NUMB: variants seen among roughly 807,000 people sequenced by gnomAD.
NUMB encodes the protein NUMB endocytic adaptor protein.
NUMB carries 29 observed loss-of-function variants against 59.7 expected under a neutral mutation model. The observed-to-expected ratio is 0.49, with a 90% CI of 0.36 to 0.66. NUMB has a LOEUF of 0.66. Ranked by LOEUF, NUMB falls within the 30% of genes least tolerant of loss-of-function variation. NUMB has a pLI of 0.00. For missense variants in NUMB, 723 were observed against 822.0 expected, an observed-to-expected ratio of 0.88 and a Z score of 1.47; for synonymous variants, 288 against 288.2, an observed-to-expected ratio of 1.00 and a Z score of 0.01.
At chr14:73,429,019 T>C (rs1278966007) in intron 1 of NUMB, among the ~76,000 whole-genome samples, 5 of 152,028 alleles carry the variant, frequency 3.3e-5, no homozygotes, top group Non-Finnish European at 7.4e-5. Context: ...CCAAAAAAAT[T>C]CCCTCATGCC....
At chr14:73,388,494 G>C (rs1312241458) in intron 2 of NUMB, among the ~76,000 whole-genome samples, 1 of 151,998 alleles carries the variant, frequency 6.6e-6, no homozygotes, top group African/African-American at 2.4e-5. Flanking sequence ...TATTTATATA[G>C]AATAAAGTTG....
In NUMB at chr14:73,352,308, T is replaced by G. The variant is rs185723806; in HGVS notation, c.126+3318A>C. ...CAATCTTCAAATATCAGGTCAAGCT[T>G]TACTTTCGCAGAGAAGCCTTACTCT... On this transcript the variant is annotated intron_variant, in intron 4 of 12. Coordinates refer to ENST00000555238, the MANE Select transcript of NUMB (RefSeq NM_001005743.2). Among the ~76,000 whole-genome samples, 482 of 151,030 alleles carry G rather than the reference T, an allele frequency of 3.2e-3. 1 individual carries two copies. Among genetic ancestry groups the G allele is most frequent in the Middle Eastern group, 6.8e-3 (2 of 294 alleles).
At chr14:73,367,296 TACACACACACACAC>T (rs1196520524) in intron 2 of NUMB, among the ~76,000 whole-genome samples, 1 of 121,030 alleles carries the variant, frequency 8.3e-6, no homozygotes, top group Non-Finnish European at 1.6e-5. Context: ...TATATATATA[TACACACACACACAC>T]ACACACACAC....
intron 1 of NUMB, among the ~76,000 whole-genome samples, chr14:73,428,973 A>G (rs1897703966): frequency 6.6e-6 from 1 of 152,178 alleles, no homozygotes; most frequent in Admixed American, 6.6e-5. Context: ...CACCACAATC[A>G]AGATATAGAA....
chr14:73,420,825 A>G (rs900949588), intron 1 of NUMB, among the ~76,000 whole-genome samples: 1 of 152,168 alleles, frequency 6.6e-6, no homozygotes, highest in Non-Finnish European at 1.5e-5. Flanking sequence ...CAGAATCACC[A>G]TGAATATGGC....
At chr14:73,299,625 T>C (rs892209386) in intron 6 of NUMB, among the ~76,000 whole-genome samples, 1 of 151,702 alleles carries the variant, frequency 6.6e-6, no homozygotes, top group African/African-American at 2.4e-5. Context: ...TGTCATATAA[T>C]ATGACATATC....
Position 73,277,281 on chromosome 14 carries a change from C to T in NUMB, c.1253G>A (p.Gly418Asp). 6.3e-7 allele frequency: 1 copy of T among 1,599,488 alleles called. No homozygotes were observed. Among genetic ancestry groups the T allele is most frequent in the South Asian group, 1.1e-5 (1 of 90,544 alleles). Reference protein sequence around the residue: ...IAATCSGTEWGQSSGAASPGL... With the variant: ...IAATCSGTEWDQSSGAASPGL... ...TGGAGAGGCAGCACCAGAAGATTGA[C>T]CCCACTCGGTCCCTGGAACCAACAA... Residue 418 changes from glycine to aspartate, a missense_variant, in exon 13 of 13, where the codon GGT (glycine) becomes GAT (aspartate). Around this residue, in one of 2 missense-constraint regions of NUMB, gnomAD observed 406 missense variants for 385.4 expected, o/e 1.05. Coordinates refer to ENST00000555238, the MANE Select transcript of NUMB (RefSeq NM_001005743.2).
intron 5 of NUMB, among the ~76,000 whole-genome samples, chr14:73,320,981 G>A (rs1023576918): frequency 3.3e-5 from 5 of 151,146 alleles, no homozygotes; most frequent in African/African-American, 1.2e-4. Context: ...TTTTATTTGT[G>A]TACTTTTTTG....
intron 2 of NUMB, among the ~76,000 whole-genome samples, chr14:73,376,246 C>T (rs1166856983): frequency 6.6e-6 from 1 of 152,028 alleles, no homozygotes; most frequent in Non-Finnish European, 1.5e-5. Flanking sequence ...AATCACTTTC[C>T]TATATACCAG....
At chr14:73,280,109 A>G (rs1286897491) in intron 11 of NUMB, among the ~76,000 whole-genome samples, 1 of 152,152 alleles carries the variant, frequency 6.6e-6, no homozygotes, top group Non-Finnish European at 1.5e-5. Flanking sequence ...ATGAGCCTAG[A>G]TCACACCACT....
At chr14:73,450,248 A>G (rs1200462745) in intron 1 of NUMB, among the ~76,000 whole-genome samples, 1 of 152,270 alleles carries the variant, frequency 6.6e-6, no homozygotes, top group African/African-American at 2.4e-5. Context: ...TTTATGGATG[A>G]CGAAACTGAA....
intron 1 of NUMB, among the ~76,000 whole-genome samples, chr14:73,426,181 T>C (rs990862165): frequency 7.9e-5 from 12 of 152,202 alleles, no homozygotes; most frequent in East Asian, 3.8e-4. Context: ...CAGGCCAAGA[T>C]GGTACAGTAA....
intron 11 of NUMB, chr14:73,281,389 G>A (rs191001111): frequency 1.3e-5 from 2 of 152,208 alleles, no homozygotes; most frequent in Admixed American, 1.3e-4. Flanking sequence ...TATTATAAAT[G>A]TTTGTTAGAT....
At chr14:73,391,261 T>C (rs553759218) in intron 2 of NUMB, among the ~76,000 whole-genome samples, 4 of 151,048 alleles carry the variant, frequency 2.6e-5, no homozygotes, top group East Asian at 3.9e-4. Context: ...AATGAAAAAA[T>C]CCTTTTCAGT....
chr14:73,393,631 T>C (rs1895966337), intron 2 of NUMB, among the ~76,000 whole-genome samples: 1 of 152,214 alleles, frequency 6.6e-6, no homozygotes, highest in Non-Finnish European at 1.5e-5. Context: ...TTAGTAACAA[T>C]GCATCATCAA....
intron 1 of NUMB, among the ~76,000 whole-genome samples, chr14:73,442,674 C>T (rs1441517382): frequency 6.6e-6 from 1 of 152,116 alleles, no homozygotes; most frequent in African/African-American, 2.4e-5. Context: ...GTATATACTA[C>T]ATGATGCTAT....
At chr14:73,286,991 GT>G (rs775546157) in intron 9 of NUMB, 118 bp downstream of exon 9, 1 of 977,392 alleles carries the variant, frequency 1.0e-6, no homozygotes, top group Non-Finnish European at 1.6e-6. Flanking sequence ...TTGTTATAAG[GT>G]TTTATATTGC....
intron 2 of NUMB, among the ~76,000 whole-genome samples, chr14:73,375,694 A>G (rs1223177050): frequency 6.6e-6 from 1 of 152,222 alleles, no homozygotes; most frequent in African/African-American, 2.4e-5. Flanking sequence ...AGAACATATA[A>G]AAAGAATTAT....
chr14:73,455,402 T>C (rs912028597), intron 1 of NUMB, among the ~76,000 whole-genome samples: 1 of 152,212 alleles, frequency 6.6e-6, no homozygotes, highest in Non-Finnish European at 1.5e-5. Flanking sequence ...CACGTACAGA[T>C]AAAACATACA....
Sources: allele counts gnomAD v4.1 joint callset (sites outside exome capture counted in the v4.1 genomes callset), GRCh38; gene constraint gnomAD v4.1.1; regional missense constraint gnomAD v4.1.1; transcripts MANE v1.5; gene names NCBI Gene and HGNC (gene_info 2026-07-23, HGNC 2026-07-21).